The following TMEM132D variants were observed in gnomAD, a reference collection of about 807,000 sequenced individuals.
TMEM132D encodes the protein mature OL transmembrane protein.
TMEM132D carries 21 observed loss-of-function variants against 62.3 expected under a neutral mutation model. That is an observed-to-expected ratio of 0.34 (90% CI 0.24 to 0.49). TMEM132D has a LOEUF of 0.49. Among genes scored for constraint, TMEM132D ranks in the 20% least tolerant of loss-of-function variants. The probability of loss-of-function intolerance (pLI) is 0.99; values close to 1 mark genes in which losing one functional copy is unlikely to be tolerated. For synonymous variants in TMEM132D, 621 were observed against 575.6 expected, an observed-to-expected ratio of 1.08 and a Z score of -1.13; for missense variants, 1,346 against 1,402.8, an observed-to-expected ratio of 0.96 and a Z score of 0.65.
intron 5 of TMEM132D, among the ~76,000 whole-genome samples, chr12:129,164,137 C>A (rs1305594306): frequency 6.6e-6 from 1 of 152,160 alleles, no homozygotes; most frequent in Non-Finnish European, 1.5e-5. Context: ...ACAGCCTGGA[C>A]TGAAAAAAAC....
chr12:129,260,713 G>C (rs1368381984), intron 4 of TMEM132D, among the ~76,000 whole-genome samples: 1 of 152,038 alleles, frequency 6.6e-6, no homozygotes, highest in Non-Finnish European at 1.5e-5. Context: ...TCATTCTTAT[G>C]CCTTTGCATC....
At chr12:129,190,189 T>G (rs1443257504) in intron 5 of TMEM132D, among the ~76,000 whole-genome samples, 1 of 80,796 alleles carries the variant, frequency 1.2e-5, no homozygotes, top group Non-Finnish European at 2.4e-5. Flanking sequence ...GGCCTGCAGA[T>G]GGAGGGAGGG....
chr12:129,735,103 A>G (rs1261354152), intron 1 of TMEM132D, among the ~76,000 whole-genome samples: 1 of 152,260 alleles, frequency 6.6e-6, no homozygotes, highest in Non-Finnish European at 1.5e-5. Context: ...CAATTAAAAA[A>G]ATACACAAAA....
intron 3 of TMEM132D, among the ~76,000 whole-genome samples, chr12:129,356,085 C>T (rs1870035101): frequency 6.6e-6 from 1 of 151,782 alleles, no homozygotes; most frequent in African/African-American, 2.4e-5. Context: ...GAAGCGCTTC[C>T]TTCATAAATC....
chr12:129,178,729 C>A (rs1877978478), intron 5 of TMEM132D, among the ~76,000 whole-genome samples: 1 of 152,120 alleles, frequency 6.6e-6, no homozygotes, highest in Non-Finnish European at 1.5e-5. Context: ...ATGATGTGGT[C>A]AATTGCAAAA....
intron 5 of TMEM132D, among the ~76,000 whole-genome samples, chr12:129,128,086 C>T (rs1876267765): frequency 6.6e-6 from 1 of 152,148 alleles, no homozygotes; most frequent in Non-Finnish European, 1.5e-5. Flanking sequence ...GTTGGTCTCC[C>T]TCTTGCTCAG....
At chr12:129,635,329 T>C (rs541485174) in intron 2 of TMEM132D, among the ~76,000 whole-genome samples, 1 of 152,356 alleles carries the variant, frequency 6.6e-6, no homozygotes, top group South Asian at 2.1e-4. Flanking sequence ...GGGATCTCTA[T>C]AACGGTAAGT....
chr12:129,605,301 G>T (rs968045066), intron 2 of TMEM132D, among the ~76,000 whole-genome samples: 1 of 151,950 alleles, frequency 6.6e-6, no homozygotes, highest in East Asian at 1.9e-4. Context: ...TTGTAGATTG[G>T]CTCATTACTG....
chr12:129,378,352 G>C (rs1870843537), intron 3 of TMEM132D, among the ~76,000 whole-genome samples: 2 of 152,290 alleles, frequency 1.3e-5, no homozygotes, highest in East Asian at 1.9e-4. Flanking sequence ...CTTTCAGCTA[G>C]GCAGCTCTCT....
intron 2 of TMEM132D, among the ~76,000 whole-genome samples, chr12:129,543,320 G>A (rs1324415075): frequency 6.7e-6 from 1 of 149,346 alleles, no homozygotes; most frequent in Non-Finnish European, 1.5e-5. Context: ...ATAGATGGAT[G>A]GATGGATGGA....
At chr12:129,473,324 G>C (rs9795770) in intron 3 of TMEM132D, among the ~76,000 whole-genome samples, 1 of 81,550 alleles carries the variant, frequency 1.2e-5, no homozygotes, top group Non-Finnish European at 2.2e-5. Context: ...TTTAGTTTTT[G>C]TTTTTTTTTT....
chr12:129,532,231 G>A (rs940231015), intron 2 of TMEM132D, among the ~76,000 whole-genome samples: 1 of 152,126 alleles, frequency 6.6e-6, no homozygotes, highest in African/African-American at 2.4e-5. Flanking sequence ...GGGGAACCTG[G>A]AGCACGCTGA....
chr12:129,436,328 C>G lies in TMEM132D; in HGVS notation c.1115+94731G>C, dbSNP rs117319388. On this transcript the variant is annotated intron_variant, in intron 3 of 8. Transcript: ENST00000422113. The stretch of plus-strand genomic sequence containing the variant: ...ATTTGGGTTTTCTGATACATGGTGT[C>G]AAAACTAATCATAGCTACCGCATGC... Among the ~76,000 whole-genome samples, 1,275 of 152,180 alleles carry G rather than the reference C, an allele frequency of 8.4e-3. 12 individuals are homozygous for G. The highest frequency in any genetic ancestry group is 0.023 in the South Asian group (113 of 4,814).
At chr12:129,832,679 G>A (rs914491251) in intron 1 of TMEM132D, among the ~76,000 whole-genome samples, 2 of 152,102 alleles carry the variant, frequency 1.3e-5, no homozygotes, top group Non-Finnish European at 2.9e-5. Flanking sequence ...GCTGAGGTGC[G>A]CAGGCTCAGA....
chr12:129,800,604 C>A (rs1486401322), intron 1 of TMEM132D, among the ~76,000 whole-genome samples: 2 of 152,118 alleles, frequency 1.3e-5, no homozygotes, highest in South Asian at 4.1e-4. Context: ...GGCTGGAGGA[C>A]TCAGTAAACA....
chr12:129,497,370 T>C (rs1249102028), intron 3 of TMEM132D, among the ~76,000 whole-genome samples: 3 of 152,142 alleles, frequency 2.0e-5, no homozygotes, highest in African/African-American at 7.2e-5. Flanking sequence ...TGAATTCCTT[T>C]GAAACTCTAG....
At chr12:129,712,253 T>A (rs1014337270) in intron 1 of TMEM132D, among the ~76,000 whole-genome samples, 6 of 152,028 alleles carry the variant, frequency 3.9e-5, no homozygotes, top group Admixed American at 1.3e-4. Context: ...GCCTCCCAAG[T>A]AGCTGAAATT....
At chr12:129,799,854 T>C (rs1871705609) in intron 1 of TMEM132D, among the ~76,000 whole-genome samples, 2 of 152,086 alleles carry the variant, frequency 1.3e-5, no homozygotes. Flanking sequence ...TCTCGCGTGT[T>C]AGACAGCTCT....
chr12:129,076,755 C>T (rs959562512), intron 8 of TMEM132D, among the ~76,000 whole-genome samples: 11 of 152,186 alleles, frequency 7.2e-5, no homozygotes. Context: ...AAGAGCCCTG[C>T]AAACCAACCA....
Sources: allele counts gnomAD v4.1 joint callset (sites outside exome capture counted in the v4.1 genomes callset), GRCh38; gene constraint gnomAD v4.1.1; transcripts MANE v1.5; gene names NCBI Gene and HGNC (gene_info 2026-07-23, HGNC 2026-07-21).